Variants in ELMO1 observed in about 807,000 individuals in gnomAD.
ELMO1 encodes the protein engulfment and cell motility protein 1.
Under a neutral mutation model 98.9 loss-of-function variants are expected in ELMO1, and 26 were observed. The ratio of observed to expected loss-of-function variants is 0.26; its 90% confidence interval spans 0.19 to 0.36. ELMO1 has a LOEUF of 0.36. Ranked by LOEUF, ELMO1 falls within the 10% of genes least tolerant of loss-of-function variation. The pLI is 1.00. For missense variants in ELMO1, 627 were observed against 935.2 expected (o/e 0.67, Z 4.30); for synonymous variants, 346 against 346.0 (o/e 1.00, Z 0.00).
At chr7:36,926,099 A>C (rs1282398115) in intron 16 of ELMO1, among the ~76,000 whole-genome samples, 1 of 152,094 alleles carries the variant, frequency 6.6e-6, no homozygotes, top group African/African-American at 2.4e-5. Flanking sequence ...GCAGGGTAAT[A>C]TTTTTACCTT....
At chr7:37,053,180 G>A (rs1363094091) in intron 15 of ELMO1, among the ~76,000 whole-genome samples, 1 of 151,886 alleles carries the variant, frequency 6.6e-6, no homozygotes, top group Non-Finnish European at 1.5e-5. Flanking sequence ...AGACAAAAAG[G>A]AAACTCTAAC....
At chr7:36,909,368 A>G (rs1472404002) in intron 16 of ELMO1, among the ~76,000 whole-genome samples, 1 of 152,232 alleles carries the variant, frequency 6.6e-6, no homozygotes, top group Non-Finnish European at 1.5e-5. Context: ...GAAAACTGGG[A>G]GCCAGGGAAT....
chr7:36,868,415 G>A (rs181595726), intron 20 of ELMO1, among the ~76,000 whole-genome samples: 33 of 149,992 alleles, frequency 2.2e-4, no homozygotes, highest in Admixed American at 4.7e-4. Context: ...ACATGATCTC[G>A]GCTCATCGCA....
chr7:36,860,454 C>T (rs935337731), intron 21 of ELMO1, among the ~76,000 whole-genome samples: 2 of 152,174 alleles, frequency 1.3e-5, no homozygotes, highest in East Asian at 1.9e-4. Flanking sequence ...TAAAAGTGTT[C>T]ACAAGCATAT....
intron 13 of ELMO1, among the ~76,000 whole-genome samples, chr7:37,209,477 G>A (rs1255990246): frequency 3.3e-5 from 5 of 152,158 alleles, no homozygotes; most frequent in Non-Finnish European, 7.4e-5. Context: ...GGCAGGAGGA[G>A]GACGATAAAA....
intron 1 of ELMO1, among the ~76,000 whole-genome samples, chr7:37,383,817 T>C (rs1459267695): frequency 6.6e-6 from 1 of 152,088 alleles, no homozygotes; most frequent in East Asian, 1.9e-4. Flanking sequence ...TTTTTGTTGT[T>C]GTTGTTGTTG....
chr7:36,922,463 C>T (rs180967605), intron 16 of ELMO1, among the ~76,000 whole-genome samples: 1,567 of 151,732 alleles, frequency 0.01, 13 homozygotes, highest in Admixed American at 0.018. Flanking sequence ...TTTCAGCCCA[C>T]AGATTATTTG....
intron 16 of ELMO1, among the ~76,000 whole-genome samples, chr7:36,956,561 T>C (rs1788463088): frequency 6.6e-6 from 1 of 152,182 alleles, no homozygotes; most frequent in Non-Finnish European, 1.5e-5. Context: ...AAAGGTCACT[T>C]TATTCAACAA....
chr7:37,035,433 T>C (rs1482617561), intron 15 of ELMO1, among the ~76,000 whole-genome samples: 2 of 152,222 alleles, frequency 1.3e-5, no homozygotes, highest in African/African-American at 4.8e-5. Flanking sequence ...AGCTGCATTT[T>C]CAGTATGAGA....
At chr7:36,872,100 A>AGGTC (rs1803560673) in intron 19 of ELMO1, among the ~76,000 whole-genome samples, 1 of 152,204 alleles carries the variant, frequency 6.6e-6, no homozygotes. Context: ...CTTTGCAGTC[A>AGGTC]GGTCATGTGA....
intron 16 of ELMO1, chr7:36,986,147 T>G (rs963643710): frequency 3.0e-6 from 3 of 986,702 alleles, no homozygotes; most frequent in African/African-American, 1.7e-5. Context: ...AGAATAAGCA[T>G]GTAGCTTTGC....
intron 16 of ELMO1, among the ~76,000 whole-genome samples, chr7:36,977,885 A>C (rs967388970): frequency 2.6e-5 from 4 of 152,260 alleles, no homozygotes; most frequent in African/African-American, 9.6e-5. Context: ...CAGATGACTT[A>C]GTGAATACAT....
Position 37,016,501 on chromosome 7 carries a change from T to C in ELMO1, c.1301-3066A>G, listed in dbSNP as rs138348640. Among the ~76,000 whole-genome samples, 344 of 152,322 alleles carry C rather than the reference T, an allele frequency of 2.3e-3. 1 individual carries two copies. The highest frequency in any genetic ancestry group is 4.2e-3 in the East Asian group (22 of 5,180). ...TCCTTTAGTTGACATCAAGAGCTCA[T>C]TGCATTTCTCTGTGGTTGCTGCTTT... On this transcript the variant is annotated intron_variant, in intron 15 of 21. Transcript: ENST00000310758.
intron 1 of ELMO1, among the ~76,000 whole-genome samples, chr7:37,366,915 A>G (rs2131343947): frequency 6.6e-6 from 1 of 152,370 alleles, no homozygotes; most frequent in Middle Eastern, 3.4e-3. Context: ...CAGACTGATG[A>G]ATTCTTTGAG....
chr7:37,071,487 T>C (rs185612224), intron 15 of ELMO1, among the ~76,000 whole-genome samples: 13 of 152,192 alleles, frequency 8.5e-5, no homozygotes, highest in African/African-American at 2.4e-4. Flanking sequence ...AGTGGGACTA[T>C]AGTTCAAGAA....
In ELMO1 at chr7:36,941,127, G is replaced by A. The variant is rs1786998243; in HGVS notation, c.1438-46110C>T. 2.0e-5 allele frequency among the ~76,000 whole-genome samples: 3 copies of A among 152,150 alleles called. No individual in the cohort carries two copies. In the South Asian group the frequency reaches 6.2e-4, roughly 31 times the overall value. On this transcript the variant is annotated intron_variant, in intron 16 of 21. Coordinates refer to ENST00000310758, the MANE Select transcript of ELMO1 (RefSeq NM_014800.11). ...GATAAATTCCATCACTTCTTATCCA[G>A]ATTGGCTCTAAAAGAATAAATTGAT...
chr7:36,999,431 G>T (rs1240374987), intron 16 of ELMO1, among the ~76,000 whole-genome samples: 1 of 152,088 alleles, frequency 6.6e-6, no homozygotes, highest in African/African-American at 2.4e-5. Context: ...GAAGAGACCG[G>T]GATACAGGGC....
At chr7:36,897,325 C>T (rs201065076) in intron 16 of ELMO1, among the ~76,000 whole-genome samples, 13 of 46,942 alleles carry the variant, frequency 2.8e-4, no homozygotes, top group South Asian at 1.2e-3. Flanking sequence ...AGAAAACAGA[C>T]GTGTGTGTGT....
chr7:37,021,381 A>G (rs1195712409), intron 15 of ELMO1, among the ~76,000 whole-genome samples: 1 of 152,198 alleles, frequency 6.6e-6, no homozygotes, highest in African/African-American at 2.4e-5. Flanking sequence ...AAATAGCATG[A>G]AATTTATTCA....
Sources: allele counts gnomAD v4.1 joint callset (sites outside exome capture counted in the v4.1 genomes callset), GRCh38; gene constraint gnomAD v4.1.1; transcripts MANE v1.5; gene names NCBI Gene and HGNC (gene_info 2026-07-23, HGNC 2026-07-21).